DLC1: variants seen among roughly 807,000 people sequenced by gnomAD.
DLC1 encodes the protein DLC1 Rho GTPase activating protein, also known as rho GTPase-activating protein 7.
DLC1 carries 54 observed loss-of-function variants against 140.3 expected under a neutral mutation model. The ratio of observed to expected loss-of-function variants is 0.38; its 90% CI spans 0.31 to 0.48. DLC1 has a LOEUF of 0.48. Among genes scored for constraint, DLC1 ranks in the 20% least tolerant of loss-of-function variants. DLC1 has a pLI of 0.96. For missense variants in DLC1, 2,536 were observed against 1,907.0 expected (o/e 1.33, Z -6.14); for synonymous variants, 986 against 728.1 (o/e 1.35, Z -5.70).
intron 1 of DLC1, among the ~76,000 whole-genome samples, chr8:13,530,515 A>T (rs1585246243): frequency 6.6e-6 from 1 of 152,096 alleles, no homozygotes. Context: ...GTGCATCTGT[A>T]TGTGTGTTTC....
At chr8:13,124,233 T>C (rs1363353368) in intron 5 of DLC1, among the ~76,000 whole-genome samples, 1 of 152,162 alleles carries the variant, frequency 6.6e-6, no homozygotes, top group Non-Finnish European at 1.5e-5. Flanking sequence ...GGGAGGGGTG[T>C]CCCTTCTCGC....
chr8:13,465,258 C>T (rs1488034491), intron 2 of DLC1, among the ~76,000 whole-genome samples: 1 of 152,182 alleles, frequency 6.6e-6, no homozygotes, highest in East Asian at 1.9e-4. Flanking sequence ...CTAGGACACA[C>T]TTCTAGGAGT....
At chr8:13,314,482 T>G (rs2117564669) in intron 4 of DLC1, among the ~76,000 whole-genome samples, 1 of 152,112 alleles carries the variant, frequency 6.6e-6, no homozygotes. Context: ...GTATTTTCAC[T>G]TAGTCTCTTA....
intron 2 of DLC1, among the ~76,000 whole-genome samples, chr8:13,495,879 A>G (rs1164908630): frequency 6.6e-6 from 1 of 152,140 alleles, no homozygotes; most frequent in African/African-American, 2.4e-5. Context: ...TTTTTTCTTC[A>G]GGTCTTAGAA....
intron 1 of DLC1, among the ~76,000 whole-genome samples, chr8:13,600,556 C>A (rs1805841909): frequency 6.6e-6 from 1 of 151,814 alleles, no homozygotes; most frequent in Non-Finnish European, 1.5e-5. Flanking sequence ...TCACCCAAAT[C>A]ACAATGTGGT....
intron 2 of DLC1, among the ~76,000 whole-genome samples, chr8:13,435,048 A>G (rs1585102283): frequency 6.6e-6 from 1 of 152,330 alleles, no homozygotes; most frequent in South Asian, 2.1e-4. Context: ...TTTCTTTGAT[A>G]GATCTAGGTA....
intron 1 of DLC1, among the ~76,000 whole-genome samples, chr8:13,597,264 T>C (rs1267991193): frequency 1.3e-5 from 2 of 152,020 alleles, no homozygotes; most frequent in Non-Finnish European, 2.9e-5. Flanking sequence ...TCACATTTTA[T>C]TGCAACTGAC....
At chr8:13,315,604 TC>T (rs1287755561) in intron 4 of DLC1, among the ~76,000 whole-genome samples, 1 of 152,202 alleles carries the variant, frequency 6.6e-6, no homozygotes, top group African/African-American at 2.4e-5. Context: ...TTCTGTGACC[TC>T]TCTCCTTAAA....
chr8:13,275,170 T>A (rs1215471262), intron 5 of DLC1, among the ~76,000 whole-genome samples: 1 of 152,238 alleles, frequency 6.6e-6, no homozygotes, highest in Non-Finnish European at 1.5e-5. Flanking sequence ...AAGATTTTCA[T>A]GTGCATTCAG....
chr8:13,152,079 G>A (rs1265165038), intron 5 of DLC1, among the ~76,000 whole-genome samples: 7 of 152,144 alleles, frequency 4.6e-5, no homozygotes. Flanking sequence ...TCCCCTCCAT[G>A]TTTACTAAAT....
intron 1 of DLC1, among the ~76,000 whole-genome samples, chr8:13,509,805 C>CT (rs33927407): frequency 0.079 from 12,016 of 152,160 alleles, 681 homozygotes; most frequent in East Asian, 0.17. Context: ...TGTGAAATAA[C>CT]TTTTTTCCCC....
chr8:13,602,682 G>T (rs563042631), intron 1 of DLC1, among the ~76,000 whole-genome samples: 26 of 151,734 alleles, frequency 1.7e-4, no homozygotes, highest in Non-Finnish European at 3.4e-4. Context: ...GAATTTTTAT[G>T]TATCTTAAAA....
intron 4 of DLC1, among the ~76,000 whole-genome samples, chr8:13,348,973 G>A (rs1834505532): frequency 6.6e-6 from 1 of 152,158 alleles, no homozygotes; most frequent in South Asian, 2.1e-4. Flanking sequence ...GCTCTGGAAG[G>A]TGGTGACAGG....
intron 5 of DLC1, chr8:13,133,356 C>A (rs1195206747): frequency 5.6e-6 from 6 of 1,078,450 alleles, no homozygotes; most frequent in Non-Finnish European, 6.8e-6. Context: ...GGGGCCAGAG[C>A]GGGCGGCACC....
chr8:13,599,903 A>G (rs1563467556), intron 1 of DLC1, among the ~76,000 whole-genome samples: 2 of 151,984 alleles, frequency 1.3e-5, no homozygotes, highest in Non-Finnish European at 2.9e-5. Flanking sequence ...CAAACTTACT[A>G]TATATGTATC....
At chr8:13,354,999 A>C (rs779604912) in intron 4 of DLC1, among the ~76,000 whole-genome samples, 2 of 151,928 alleles carry the variant, frequency 1.3e-5, no homozygotes, top group Non-Finnish European at 2.9e-5. Flanking sequence ...TAAATCAATG[A>C]ATGTTCTCAT....
chr8:13,126,790 C>A (rs947048199), intron 5 of DLC1, among the ~76,000 whole-genome samples: 3 of 152,294 alleles, frequency 2.0e-5, no homozygotes, highest in East Asian at 1.9e-4. Flanking sequence ...GCAACATTGG[C>A]TTTTGCTTTA....
intron 1 of DLC1, among the ~76,000 whole-genome samples, chr8:13,552,906 G>A (rs1735302988): frequency 6.6e-6 from 1 of 151,584 alleles, no homozygotes; most frequent in South Asian, 2.1e-4. Flanking sequence ...ATTTCACAAT[G>A]AAGCTTCTTA....
rs569831949 is a variant in DLC1, at chr8:13,393,113, TATCA to T, written c.1314+436_1314+439del. 1.9e-3 allele frequency among the ~76,000 whole-genome samples: 284 copies of T among 152,174 alleles called. 4 individuals are homozygous for T. The highest frequency in any genetic ancestry group is 6.2e-3 in the African/African-American group (256 of 41,544). ...TCTATCTCTATCATCTGTTTCTCCT[TATCA>T]ATCAATCAGTCTATCTGTCCATCCA... is the stretch of plus-strand genomic sequence containing the variant. On this transcript the variant is annotated intron_variant, in intron 4 of 17. Transcript: ENST00000276297.
Sources: gnomAD v4.1 joint callset for allele counts (sites outside exome capture counted in the v4.1 genomes callset) on GRCh38, gnomAD v4.1.1 for gene constraint, MANE v1.5 for transcripts, NCBI Gene and HGNC (gene_info 2026-07-23, HGNC 2026-07-21) for gene names.